SCD5: variants seen among roughly 807,000 people sequenced by gnomAD.
The protein encoded by SCD5 is stearoyl-CoA desaturase 5.
SCD5 carries 20 observed loss-of-function variants against 30.4 expected under a neutral mutation model. The ratio of observed to expected loss-of-function variants is 0.66; its 90% CI spans 0.46 to 0.96. SCD5 has a LOEUF of 0.96. Ranked by LOEUF, SCD5 falls within the 40% of genes least tolerant of loss-of-function variation. The pLI is 0.00. For synonymous variants in SCD5, 173 were observed against 176.4 expected, an observed-to-expected ratio of 0.98 and a Z score of 0.16; for missense variants, 381 against 443.3, an observed-to-expected ratio of 0.86 and a Z score of 1.26.
chr4:82,784,729 A>C (rs1455096719), intron 1 of SCD5, among the ~76,000 whole-genome samples: 1 of 152,186 alleles, frequency 6.6e-6, no homozygotes, highest in Non-Finnish European at 1.5e-5. Context: ...GAACCGTGAA[A>C]GGGATAGAAG....
chr4:82,756,512 G>A (rs561774223), intron 1 of SCD5, among the ~76,000 whole-genome samples: 114 of 152,246 alleles, frequency 7.5e-4, no homozygotes, highest in African/African-American at 2.6e-3. Context: ...GATCACTTGA[G>A]GTCAGGAGTT....
Position 82,774,786 on chromosome 4 carries a change from C to T in SCD5, c.232+23520G>A, listed in dbSNP as rs186319791. On this transcript the variant is annotated intron_variant, in intron 1 of 4. Transcript: ENST00000319540. ...CCCACCCTGCCCGCTTCTCTTCCACCCACTCTGTCTTCCCAGGATTCCAAT... is the reference window on the plus strand; with the variant it reads ...CCCACCCTGCCCGCTTCTCTTCCACTCACTCTGTCTTCCCAGGATTCCAAT... Among the ~76,000 whole-genome samples the T allele has an allele frequency of 1.1e-4, 17 of 152,288 alleles. No individual in the cohort carries two copies. In the East Asian group the frequency reaches 3.1e-3, roughly 28 times the overall value.
chr4:82,766,893 G>T (rs1017606746), intron 1 of SCD5, among the ~76,000 whole-genome samples: 9 of 152,072 alleles, frequency 5.9e-5, no homozygotes, highest in African/African-American at 2.2e-4. Flanking sequence ...GGCCAGGCTG[G>T]TCTCAAACTC....
rs151049430 is a variant in SCD5, at chr4:82,722,536, G to A, written c.233-17123C>T. Reference sequence around the variant, plus strand: ...CCCAGCACTTTGGGAGACCAAGGCAGGAGGATCACCTGAGGTCAGGGGTTC... The same window carrying A: ...CCCAGCACTTTGGGAGACCAAGGCAAGAGGATCACCTGAGGTCAGGGGTTC... On this transcript the variant is annotated intron_variant, in intron 1 of 4. Coordinates refer to ENST00000319540, the MANE Select transcript of SCD5 (RefSeq NM_001037582.3). Among the ~76,000 whole-genome samples the A allele has an allele frequency of 4.7e-4, 71 of 152,266 alleles. No individual in the cohort carries two copies. The East Asian group carries it at 0.012, about 25-fold the overall frequency.
At chr4:82,764,065 A>T (rs72909671) in intron 1 of SCD5, among the ~76,000 whole-genome samples, 119 of 152,256 alleles carry the variant, frequency 7.8e-4, no homozygotes, top group African/African-American at 2.8e-3. Context: ...GCAGCATATC[A>T]TTGGGCCTCA....
intron 1 of SCD5, among the ~76,000 whole-genome samples, chr4:82,730,585 CTTTTT>C (rs397935360): frequency 1.7e-5 from 2 of 114,666 alleles, no homozygotes; most frequent in Admixed American, 2.1e-4. Flanking sequence ...TTTTTCCCTT[CTTTTT>C]TTTTTTTTTT....
chr4:82,732,800 G>A (rs1031194389), intron 1 of SCD5, among the ~76,000 whole-genome samples: 2 of 152,206 alleles, frequency 1.3e-5, no homozygotes, highest in African/African-American at 4.8e-5. Context: ...CAGGGACAGA[G>A]CTCAGGGAAA....
chr4:82,664,699 T>C (rs1383817827), intron 3 of SCD5, among the ~76,000 whole-genome samples: 1 of 151,978 alleles, frequency 6.6e-6, no homozygotes, highest in African/African-American at 2.4e-5. Flanking sequence ...TAGACATAAC[T>C]GAGGAAAGAA....
At chr4:82,672,883 G>C (rs1039571566) in intron 3 of SCD5, among the ~76,000 whole-genome samples, 16 of 152,028 alleles carry the variant, frequency 1.1e-4, no homozygotes, top group South Asian at 8.3e-4. Context: ...TGCAAGGCTG[G>C]TTCAAAATTT....
intron 1 of SCD5, among the ~76,000 whole-genome samples, chr4:82,751,905 G>C (rs547603916): frequency 6.6e-6 from 1 of 152,188 alleles, no homozygotes; most frequent in Non-Finnish European, 1.5e-5. Context: ...GATTACAGGC[G>C]TGAGCCACCA....
intron 2 of SCD5, among the ~76,000 whole-genome samples, chr4:82,700,297 T>A (rs542537648): frequency 6.6e-6 from 1 of 152,112 alleles, no homozygotes; most frequent in East Asian, 1.9e-4. Flanking sequence ...CACCAAACCA[T>A]AGATCCAGGA....
intron 1 of SCD5, among the ~76,000 whole-genome samples, chr4:82,713,792 G>C (rs1034972184): frequency 6.6e-6 from 1 of 152,018 alleles, no homozygotes. Flanking sequence ...ATATTTCCCC[G>C]ATCCATATGC....
chr4:82,677,630 G>C (rs1728464742), intron 3 of SCD5, among the ~76,000 whole-genome samples: 1 of 152,216 alleles, frequency 6.6e-6, no homozygotes, highest in Non-Finnish European at 1.5e-5. Context: ...GTGATTCTAA[G>C]CCTTATTTTG....
At chr4:82,681,525 C>CT (rs536996257) in intron 2 of SCD5, among the ~76,000 whole-genome samples, 111 of 152,182 alleles carry the variant, frequency 7.3e-4, no homozygotes, top group South Asian at 2.5e-3. Flanking sequence ...CCTTAGCAAA[C>CT]TAATGCAGGA....
At chr4:82,730,426 A>G (rs1720610335) in intron 1 of SCD5, among the ~76,000 whole-genome samples, 1 of 150,612 alleles carries the variant, frequency 6.6e-6, no homozygotes, top group Admixed American at 6.6e-5. Flanking sequence ...CCTCCCAGGT[A>G]GCTGGGATTA....
chr4:82,778,115 G>A (rs1034361741), intron 1 of SCD5, among the ~76,000 whole-genome samples: 18 of 152,106 alleles, frequency 1.2e-4, no homozygotes, highest in African/African-American at 3.9e-4. Flanking sequence ...ACTAACACAG[G>A]AACAGAAAAC....
At position 82,798,313 on chromosome 4, in the gene SCD5, C is replaced by G; in HGVS notation, c.225G>C (p.Leu75=). ...GGCGCCGGCGGGACTTACCCCAGAG[C>G]AGAGTGAGTGGCTTGGCTTTGGGGA... ...VLIPKAKPLT[L]LWAYFCFLLA... Residue 75 remains leucine (L), a synonymous_variant, in exon 1 of 5, where the codon CTG becomes CTC. Transcript: ENST00000319540. 1 of 1,609,340 alleles carries G rather than the reference C, an allele frequency of 6.2e-7. No individual in the cohort carries two copies. The highest frequency in any genetic ancestry group is 8.5e-7 in the Non-Finnish European group (1 of 1,178,254).
At chr4:82,692,046 G>A (rs962150874) in intron 2 of SCD5, 6 of 152,446 alleles carry the variant, frequency 3.9e-5, no homozygotes, top group African/African-American at 1.2e-4. Flanking sequence ...AAGGAGCTAA[G>A]CATAAAATCC....
intron 1 of SCD5, among the ~76,000 whole-genome samples, chr4:82,768,022 T>G (rs575237320): frequency 6.6e-6 from 1 of 152,300 alleles, no homozygotes; most frequent in South Asian, 2.1e-4. Context: ...AACTAAATTT[T>G]AAAGATCACA....
Sources: gnomAD v4.1 joint callset for allele counts (sites outside exome capture counted in the v4.1 genomes callset) on GRCh38, gnomAD v4.1.1 for gene constraint, MANE v1.5 for transcripts, NCBI Gene and HGNC (gene_info 2026-07-23, HGNC 2026-07-21) for gene names.